Variants in PTP4A1 observed in about 807,000 individuals in gnomAD.
PTP4A1 encodes the protein protein tyrosine phosphatase type IVA 1.
A neutral mutation model predicts 20.5 loss-of-function variants in PTP4A1; 9 were observed. The ratio of observed to expected loss-of-function variants is 0.44; its 90% CI spans 0.26 to 0.77. The LOEUF (loss-of-function observed/expected upper bound fraction) is 0.77, where lower values mean the gene tolerates loss of function less well. Ranked by LOEUF, PTP4A1 falls within the 30% of genes least tolerant of loss-of-function variation. The probability of loss-of-function intolerance (pLI) is 0.19; values close to 1 mark genes in which losing one functional copy is unlikely to be tolerated. For synonymous variants in PTP4A1, 78 were observed against 67.4 expected, an observed-to-expected ratio of 1.16 and a Z score of -0.77; for missense variants, 137 against 218.8, an observed-to-expected ratio of 0.63 and a Z score of 2.36.
chr6:63,576,708 GCTT>G lies in PTP4A1; in HGVS notation c.-169_-167del. ...AGTATTACTGGATTGAAGAATTGCT[GCTT>G]CTTGTTAGGAGGTTCATTTCACTTA... On this transcript the variant is annotated 5_prime_UTR_variant, in exon 2 of 6. Coordinates refer to ENST00000626021, the MANE Select transcript of PTP4A1 (RefSeq NM_003463.5). 1 of 615,844 alleles carries G rather than the reference GCTT, an allele frequency of 1.6e-6. No individual in the cohort carries two copies. The allele number at this position is 615,844 out of a possible 1,614,324, so 38.1% of individuals were successfully genotyped here. A position where few individuals can be genotyped will look rare whatever the true frequency, so the allele number is the denominator to read the frequency against.
intron 2 of PTP4A1, among the ~76,000 whole-genome samples, chr6:63,548,063 C>T (rs1776282330): frequency 6.6e-6 from 1 of 152,162 alleles, no homozygotes; most frequent in Non-Finnish European, 1.5e-5. Context: ...CCCCCATATT[C>T]CAAAACCCAC....
At chr6:63,536,011 G>A (rs1775708350) in intron 2 of PTP4A1, among the ~76,000 whole-genome samples, 2 of 151,494 alleles carry the variant, frequency 1.3e-5, no homozygotes, top group African/African-American at 4.8e-5. Flanking sequence ...GACATCAGGT[G>A]ATCCACCCAC....
upstream of PTP4A1, chr6:63,571,480 A>C (rs1196028265): frequency 1.3e-5 from 2 of 152,254 alleles, no homozygotes; most frequent in Non-Finnish European, 1.5e-5. Flanking sequence ...AATTGCGATA[A>C]GACTTTACTT....
Position 63,576,863 on chromosome 6 carries a change from T to C in PTP4A1, c.-18T>C, listed in dbSNP as rs768214163. The stretch of plus-strand genomic sequence containing the variant: ...AATTATTTCATAACCCTATTGAGTG[T>C]TTTTTAACTAAATTAACATGGCTCG... On this transcript the variant is annotated 5_prime_UTR_variant, in exon 2 of 6. Transcript: ENST00000626021. 4 of 1,598,094 alleles carry C rather than the reference T, an allele frequency of 2.5e-6. No individual in the cohort carries two copies. The South Asian group carries it at 3.4e-5, about 13-fold the overall frequency.
upstream of PTP4A1, among the ~76,000 whole-genome samples, chr6:63,516,895 A>C (rs181104592): frequency 3.1e-3 from 467 of 152,310 alleles, no homozygotes; most frequent in African/African-American, 0.011. Context: ...TATGTGCCAG[A>C]GGTATTAGAC....
rs549704309 is a variant in PTP4A1 at position 63,580,358 on chromosome 6, A to G, written c.*184A>G. 2 of 539,938 alleles carry G rather than the reference A, an allele frequency of 3.7e-6. No individual in the cohort carries two copies. The highest frequency in any genetic ancestry group is 5.7e-5 in the East Asian group (2 of 35,102). The allele number at this position is 539,938 out of a possible 1,614,324, so 33.4% of individuals were successfully genotyped here. On this transcript the variant is annotated 3_prime_UTR_variant, in exon 6 of 6. Coordinates refer to ENST00000626021, the MANE Select transcript of PTP4A1 (RefSeq NM_003463.5). ...TCTGTATTTGGGTTACAGTCAACCT[A>G]TTTGGATACTTGGCAAAAGATTCTT...
chr6:63,544,408 C>G (rs1211457949), intron 2 of PTP4A1, among the ~76,000 whole-genome samples: 1 of 151,956 alleles, frequency 6.6e-6, no homozygotes, highest in African/African-American at 2.4e-5. Context: ...GTCCTAAAAC[C>G]CCAGGGTCCA....
chr6:63,547,016 G>A (rs940751332), intron 2 of PTP4A1, among the ~76,000 whole-genome samples: 4 of 151,790 alleles, frequency 2.6e-5, no homozygotes, highest in African/African-American at 7.3e-5. Flanking sequence ...AAAAAGTTTT[G>A]GATTATAGTA....
Position 63,554,834 on chromosome 6 carries a change from G to A in PTP4A1, c.-446+4341G>A, listed in dbSNP as rs142839277. 9.2e-5 allele frequency among the ~76,000 whole-genome samples: 14 copies of A among 152,202 alleles called. 1 individual carries two copies. The South Asian group carries it at 2.7e-3, about 29-fold the overall frequency. ...AGCTGTATTGTCACTGTTTACATAT[G>A]GGTCACTTTTGGGGACAATCTTACT... is the stretch of plus-strand genomic sequence containing the variant. On this transcript the variant is annotated intron_variant, in intron 3 of 3. Coordinates refer to the PTP4A1 transcript ENST00000639568.
chr6:63,541,021 T>G (rs2758245), intron 2 of PTP4A1, among the ~76,000 whole-genome samples: 77,595 of 142,714 alleles, frequency 0.54, 22,156 homozygotes, highest in African/African-American at 0.77. Flanking sequence ...AAGGAGGGAA[T>G]GAAGAAAGGA....
In PTP4A1 at chr6:63,582,192, G is replaced by T. The variant is rs1324303093; in HGVS notation, c.*2018G>T. The T allele has an allele frequency of 2.7e-5, 4 of 146,040 alleles. No homozygotes were observed. Among genetic ancestry groups the T allele is most frequent in the East Asian group, 2.0e-4 (1 of 4,988 alleles). 9.0% of individuals were successfully genotyped at this position (146,040 alleles called of 1,614,324 possible). ...TGGCTAATTTTTAACCTGAGGTTTT[G>T]TTTTTTTTTTAAAGGAAATGCAGCC... On this transcript the variant is annotated 3_prime_UTR_variant, in exon 6 of 6. Coordinates refer to ENST00000626021, the MANE Select transcript of PTP4A1 (RefSeq NM_003463.5).
intron 3 of PTP4A1, among the ~76,000 whole-genome samples, chr6:63,556,911 C>T (rs1183185284): frequency 6.6e-6 from 1 of 152,196 alleles, no homozygotes. Context: ...TTCTTGATTT[C>T]ATCCTCTAAT....
At chr6:63,568,231 C>CT (rs1777273299), upstream of PTP4A1, among the ~76,000 whole-genome samples, 1 of 152,186 alleles carries the variant, frequency 6.6e-6, no homozygotes, top group African/African-American at 2.4e-5. Context: ...CCTATCTCTG[C>CT]TTTCAACTTG....
At chr6:63,530,664 CATAAAGATTTTTTCAA>C (rs1310420607) in intron 2 of PTP4A1, among the ~76,000 whole-genome samples, 44 of 152,068 alleles carry the variant, frequency 2.9e-4, no homozygotes, top group Non-Finnish European at 2.5e-4. Context: ...ATTAAACTAT[CATAAAGATTTTTTCAA>C]ATAAAACATA....
Position 63,544,633 on chromosome 6 carries a change from T to C in PTP4A1, c.-639-5667T>C, listed in dbSNP as rs1245732975. ...GATCTTAATAGTGGATCAGTTATTA[T>C]TTATCTTCTATATGACCTTGACGTT... is the stretch of plus-strand genomic sequence containing the variant. On this transcript the variant is annotated intron_variant, in intron 2 of 3. Coordinates refer to the PTP4A1 transcript ENST00000639568. 2.0e-5 allele frequency among the ~76,000 whole-genome samples: 3 copies of C among 152,164 alleles called. No individual in the cohort carries two copies. The East Asian group carries it at 5.8e-4, about 29-fold the overall frequency.
chr6:63,534,349 C>T (rs910254601), intron 2 of PTP4A1, among the ~76,000 whole-genome samples: 8 of 152,004 alleles, frequency 5.3e-5, no homozygotes, highest in African/African-American at 1.7e-4. Flanking sequence ...AAGTTAGGAG[C>T]AATGGTTCTC....
Position 63,582,994 on chromosome 6 carries a change from A to T in PTP4A1, c.*2820A>T, listed in dbSNP as rs1778337041. 6.6e-6 allele frequency: 1 copy of T among 152,158 alleles called. No individual in the cohort carries two copies. Among genetic ancestry groups the T allele is most frequent in the African/African-American group, 2.4e-5 (1 of 41,424 alleles). 9.4% of individuals were successfully genotyped at this position (152,158 alleles called of 1,614,324 possible). On this transcript the variant is annotated 3_prime_UTR_variant, in exon 6 of 6. Transcript: ENST00000626021. ...TCAATCTCTTGAAATTTATTTTTTT[A>T]ATGTCATATTCATCTGGTAAATATC...
At chr6:63,530,242 G>C (rs1165351018) in intron 2 of PTP4A1, among the ~76,000 whole-genome samples, 1 of 152,124 alleles carries the variant, frequency 6.6e-6, no homozygotes, top group African/African-American at 2.4e-5. Context: ...ACTGGAGTCA[G>C]CAGATTATTC....
At chr6:63,543,468 A>G (rs1021283408) in intron 2 of PTP4A1, among the ~76,000 whole-genome samples, 1 of 152,236 alleles carries the variant, frequency 6.6e-6, no homozygotes, top group African/African-American at 2.4e-5. Context: ...GAAAAGGGAT[A>G]TTATCTAACT....
Sources: allele counts gnomAD v4.1 joint callset (sites outside exome capture counted in the v4.1 genomes callset), GRCh38; gene constraint gnomAD v4.1.1; transcripts MANE v1.5; gene names NCBI Gene and HGNC (gene_info 2026-07-23, HGNC 2026-07-21).